The following ALK variants were observed in gnomAD, a reference collection of about 807,000 sequenced individuals.
ALK encodes ALK receptor tyrosine kinase, also known as ALK tyrosine kinase receptor.
In ALK, 74 loss-of-function variants were observed where a neutral mutation model predicts 163.1. The ratio of observed to expected loss-of-function variants is 0.45; its 90% CI spans 0.38 to 0.55. The LOEUF (loss-of-function observed/expected upper bound fraction) is 0.55. Among genes scored for constraint, ALK ranks in the 20% least tolerant of loss-of-function variants. The pLI is 0.00. For synonymous variants in ALK, 960 were observed against 843.2 expected, an observed-to-expected ratio of 1.14 and a Z score of -2.40; for missense variants, 2,063 against 2,105.3, an observed-to-expected ratio of 0.98 and a Z score of 0.39.
intron 1 of ALK, among the ~76,000 whole-genome samples, chr2:29,830,360 T>C (rs1162949429): frequency 6.6e-6 from 1 of 152,156 alleles, no homozygotes; most frequent in African/African-American, 2.4e-5. Flanking sequence ...GACCTGGGCA[T>C]AGCCTAGTAT....
chr2:29,492,382 C>A (rs955963200), intron 4 of ALK, among the ~76,000 whole-genome samples: 2 of 152,078 alleles, frequency 1.3e-5, no homozygotes, highest in African/African-American at 4.8e-5. Flanking sequence ...TAGTGCCTGA[C>A]CTTATAAGAA....
At chr2:29,424,862 A>C (rs116388271) in intron 4 of ALK, among the ~76,000 whole-genome samples, 1,742 of 152,264 alleles carry the variant, frequency 0.011, 17 homozygotes, top group African/African-American at 0.04. Context: ...TCACCAGTGG[A>C]ATGGTGATAA....
At chr2:29,876,405 G>A (rs921826129) in intron 1 of ALK, among the ~76,000 whole-genome samples, 1 of 151,262 alleles carries the variant, frequency 6.6e-6, no homozygotes, top group Non-Finnish European at 1.5e-5. Flanking sequence ...GATGATGGTG[G>A]TGATGGTGAT....
chr2:29,810,554 G>A (rs1482280352), intron 1 of ALK, among the ~76,000 whole-genome samples: 1 of 152,096 alleles, frequency 6.6e-6, no homozygotes, highest in Non-Finnish European at 1.5e-5. Context: ...GGGCCTGGGA[G>A]AACAATGTGA....
intron 4 of ALK, among the ~76,000 whole-genome samples, chr2:29,512,444 A>G (rs1672548847): frequency 2.0e-5 from 3 of 148,684 alleles, no homozygotes. Flanking sequence ...ACAAAATTCA[A>G]CAAGACTTCA....
intron 4 of ALK, among the ~76,000 whole-genome samples, chr2:29,387,188 T>A (rs1466482437): frequency 1.3e-5 from 2 of 152,194 alleles, no homozygotes; most frequent in African/African-American, 4.8e-5. Context: ...CAATCCATTA[T>A]CTTCCCTGTG....
At chr2:29,839,443 A>G (rs1006072623) in intron 1 of ALK, among the ~76,000 whole-genome samples, 1 of 152,210 alleles carries the variant, frequency 6.6e-6, no homozygotes, top group Admixed American at 6.5e-5. Context: ...AAGATTTCAC[A>G]TAACTGCCTT....
Position 29,715,588 on chromosome 2 carries a change from G to C in ALK, c.787+1990C>G, listed in dbSNP as rs142503696. ...AACCTCTTATAAGATGCTCCACAGG[G>C]AACAAATATGTTGCCCTCTGCAGCA... On this transcript the variant is annotated intron_variant, in intron 2 of 28. Transcript: ENST00000389048. Among the ~76,000 whole-genome samples the C allele has an allele frequency of 2.3e-3, 357 of 152,270 alleles. 1 individual carries two copies. The highest frequency in any genetic ancestry group is 8.2e-3 in the African/African-American group (341 of 41,558).
chr2:29,676,921 C>T (rs1677890275), intron 3 of ALK, among the ~76,000 whole-genome samples: 1 of 151,490 alleles, frequency 6.6e-6, no homozygotes, highest in Non-Finnish European at 1.5e-5. Context: ...TCTTAATTCC[C>T]TTTTGGAAAT....
intron 1 of ALK, among the ~76,000 whole-genome samples, chr2:29,857,804 C>A (rs989381697): frequency 2.6e-5 from 4 of 152,156 alleles, no homozygotes; most frequent in African/African-American, 9.7e-5. Context: ...CAACAAATAC[C>A]ACTAGGCAAG....
intron 3 of ALK, among the ~76,000 whole-genome samples, chr2:29,629,845 T>C (rs1276657071): frequency 1.3e-5 from 2 of 152,186 alleles, no homozygotes; most frequent in African/African-American, 4.8e-5. Flanking sequence ...TTTGAGGATT[T>C]GAATGCAGGT....
At chr2:29,389,812 A>G (rs1352370370) in intron 4 of ALK, among the ~76,000 whole-genome samples, 1 of 152,164 alleles carries the variant, frequency 6.6e-6, no homozygotes. Flanking sequence ...TGGCGGTTGC[A>G]TTATTACTAC....
At position 29,197,652 on chromosome 2, in the gene ALK, T is replaced by G. The variant is rs1214281090; in HGVS notation, c.3963A>C (p.Glu1321Asp). Residue 1321 changes from glutamate to aspartate, a missense_variant, in exon 27 of 29, where the codon GAA becomes GAC. By Grantham distance (45) the Glu-to-Asp change is conservative. This residue lies in a region of ALK where 83 missense variants were observed against 139.7 expected (regional missense o/e 0.59). Coordinates refer to ENST00000389048, the MANE Select transcript of ALK (RefSeq NM_004304.5). ...DTWSFGVLLW[E>D]IFSLGYMPYP... Reference sequence around the variant, plus strand: ...ATGGCATATATCCAAGAGAAAAGATTTCCCATAGCAGCACTCCAAAGGACC... The same window carrying G: ...ATGGCATATATCCAAGAGAAAAGATGTCCCATAGCAGCACTCCAAAGGACC... 6.2e-7 allele frequency: 1 copy of G among 1,613,860 alleles called. No homozygotes were observed. The highest frequency in any genetic ancestry group is 8.5e-7 in the Non-Finnish European group (1 of 1,179,992).
intron 3 of ALK, among the ~76,000 whole-genome samples, chr2:29,558,536 G>A (rs1456199289): frequency 6.6e-6 from 1 of 152,010 alleles, no homozygotes; most frequent in Non-Finnish European, 1.5e-5. Flanking sequence ...CCAAGCCTTT[G>A]CACACACCCC....
At chr2:29,503,326 G>T (rs941505713) in intron 4 of ALK, among the ~76,000 whole-genome samples, 7 of 152,094 alleles carry the variant, frequency 4.6e-5, no homozygotes, top group South Asian at 2.1e-4. Context: ...TTATATCCAG[G>T]GACTGCTCTT....
intron 3 of ALK, among the ~76,000 whole-genome samples, chr2:29,646,298 A>G (rs1375877565): frequency 6.6e-6 from 1 of 152,006 alleles, no homozygotes; most frequent in Non-Finnish European, 1.5e-5. Flanking sequence ...CGCCTCAAAA[A>G]CACCACTCCT....
At chr2:29,342,729 C>T (rs1667829207) in intron 5 of ALK, among the ~76,000 whole-genome samples, 2 of 152,038 alleles carry the variant, frequency 1.3e-5, no homozygotes, top group African/African-American at 4.8e-5. Context: ...AGAGTTCAGG[C>T]TCTTCTCTTT....
At chr2:29,764,142 A>T (rs1188965078) in intron 1 of ALK, among the ~76,000 whole-genome samples, 1 of 152,156 alleles carries the variant, frequency 6.6e-6, no homozygotes, top group African/African-American at 2.4e-5. Flanking sequence ...CAATCCCCTC[A>T]TGTTACCAGG....
intron 3 of ALK, among the ~76,000 whole-genome samples, chr2:29,658,193 C>T (rs1677244359): frequency 6.6e-6 from 1 of 152,138 alleles, no homozygotes; most frequent in Non-Finnish European, 1.5e-5. Context: ...TTTTTTTCTG[C>T]CTTTGTGTAG....
Sources: gnomAD v4.1 joint callset for allele counts (sites outside exome capture counted in the v4.1 genomes callset) on GRCh38, gnomAD v4.1.1 for gene constraint, gnomAD v4.1.1 regional missense constraint, MANE v1.5 for transcripts, NCBI Gene and HGNC (gene_info 2026-07-23, HGNC 2026-07-21) for gene names.